Variants in LYRM4 observed in about 807,000 individuals in gnomAD.
LYRM4 encodes LYR motif containing 4.
Under a neutral mutation model 11.7 loss-of-function variants are expected in LYRM4, and 9 were observed. The observed-to-expected ratio is 0.77, with a 90% CI of 0.46 to 1.34. LYRM4 has a LOEUF of 1.34. Ranked by LOEUF, LYRM4 falls within the 40% of genes most tolerant of loss-of-function variation. The pLI is 0.00. For missense variants in LYRM4, 133 were observed against 112.5 expected (o/e 1.18, Z -0.82); for synonymous variants, 42 against 40.4 (o/e 1.04, Z -0.15).
intron 1 of LYRM4, among the ~76,000 whole-genome samples, chr6:5,245,221 G>A (rs1764142522): frequency 7.4e-6 from 1 of 134,316 alleles, no homozygotes; most frequent in African/African-American, 2.8e-5. Context: ...TGGGAAAACA[G>A]CACCTGATCT....
rs1239784638 is a variant in LYRM4 at position 5,245,111 on chromosome 6, AAAATATATATATATATATATATATAT to A, written c.86+15511_86+15536del. 6.4e-3 allele frequency among the ~76,000 whole-genome samples: 207 copies of A among 32,302 alleles called. 4 individuals carry two copies. Among genetic ancestry groups the A allele is most frequent in the African/African-American group, 0.03 (197 of 6,670 alleles). 21.2% of individuals were successfully genotyped at this position (32,302 alleles called of 152,430 possible). A position where few individuals can be genotyped will look rare whatever the true frequency, so the allele number is the denominator to read the frequency against. On this transcript the variant is annotated intron_variant, in intron 1 of 2. Transcript: ENST00000330636. The stretch of plus-strand genomic sequence containing the variant: ...CCTTAAAAAAAAAAAAAAAAAAAAA[AAAATATATATATATATATATATATAT>A]ATATATATATATATATATATATATA...
At chr6:5,050,293 C>T in the LYRM4 span, among the ~76,000 whole-genome samples, 1 of 152,188 alleles carries the variant, frequency 6.6e-6, no homozygotes, top group East Asian at 1.9e-4. Flanking sequence ...GCATGTGTGC[C>T]TGAGGCAGCT....
intron 2 of LYRM4, among the ~76,000 whole-genome samples, chr6:5,149,862 G>A (rs73717690): frequency 0.099 from 15,009 of 152,132 alleles, 917 homozygotes; most frequent in South Asian, 0.23. Context: ...AGAACATGTC[G>A]TCTTACTAGT....
At chr6:5,100,531 G>C, downstream of LYRM4, among the ~76,000 whole-genome samples, 1 of 151,678 alleles carries the variant, frequency 6.6e-6, no homozygotes, top group Middle Eastern at 3.4e-3. Flanking sequence ...AAAGTACTTC[G>C]CCTACTTGGG....
At chr6:5,211,899 T>TC (rs1370290453) in intron 2 of LYRM4, among the ~76,000 whole-genome samples, 1 of 152,238 alleles carries the variant, frequency 6.6e-6, no homozygotes, top group Non-Finnish European at 1.5e-5. Context: ...GAAACCCAGT[T>TC]CTGGCAACTT....
In LYRM4 at chr6:5,129,491, C is replaced by T. The variant is rs148739836; in HGVS notation, c.208-20000G>A. Among the ~76,000 whole-genome samples the T allele has an allele frequency of 3.6e-3, 553 of 152,240 alleles. 2 individuals are homozygous for T. The highest frequency in any genetic ancestry group is 0.02 in the Middle Eastern group (6 of 294). On this transcript the variant is annotated intron_variant, in intron 2 of 2. Coordinates refer to ENST00000330636, the MANE Select transcript of LYRM4 (RefSeq NM_020408.6). ...GTGCCTGCTTCATCCTCGAAGCAGC[C>T]GCTCTGATCTCTGCTTCTGCCACTT...
the LYRM4 span, among the ~76,000 whole-genome samples, chr6:5,084,420 G>A: frequency 6.6e-6 from 1 of 152,110 alleles, no homozygotes; most frequent in Non-Finnish European, 1.5e-5. Flanking sequence ...TGCTTGGGGC[G>A]CTGGCGTCCG....
intron 2 of LYRM4, among the ~76,000 whole-genome samples, chr6:5,200,440 G>T (rs912203051): frequency 2.6e-5 from 4 of 152,090 alleles, no homozygotes; most frequent in African/African-American, 9.7e-5. Context: ...CTACTCCACC[G>T]GGTGGAAGCA....
intron 2 of LYRM4, among the ~76,000 whole-genome samples, chr6:5,137,937 G>A (rs1162198428): frequency 2.6e-5 from 4 of 152,166 alleles, no homozygotes; most frequent in South Asian, 2.1e-4. Context: ...CAATAGCCAA[G>A]TCTTCTCACC....
chr6:5,137,378 C>A (rs1757157944), intron 2 of LYRM4, among the ~76,000 whole-genome samples: 1 of 152,160 alleles, frequency 6.6e-6, no homozygotes, highest in Admixed American at 6.5e-5. Flanking sequence ...CTGGATCACA[C>A]TACCTCTTCT....
chr6:5,156,983 C>A (rs1249604505), intron 2 of LYRM4, among the ~76,000 whole-genome samples: 1 of 152,158 alleles, frequency 6.6e-6, no homozygotes, highest in African/African-American at 2.4e-5. Context: ...ACCCCTCTGG[C>A]CTTTTGAGTT....
chr6:5,144,425 C>G (rs1322307664), intron 2 of LYRM4, among the ~76,000 whole-genome samples: 2 of 151,942 alleles, frequency 1.3e-5, no homozygotes, highest in East Asian at 3.9e-4. Flanking sequence ...ATCACAAGCT[C>G]AGGAGATCGA....
chr6:5,054,088 G>T, the LYRM4 span: 2 of 982,964 alleles, frequency 2.0e-6, no homozygotes, highest in South Asian at 9.4e-5. Flanking sequence ...CTTCATCCAG[G>T]AACTAACGCC....
intron 2 of LYRM4, chr6:5,136,685 C>G (rs1757117841): frequency 1.0e-6 from 1 of 985,294 alleles, no homozygotes; most frequent in Non-Finnish European, 1.2e-6. Context: ...ATGAGTCCCA[C>G]AGGTCCTAGC....
rs533111218 is a variant in LYRM4, at chr6:5,144,619, C to T, written c.208-35128G>A. Among the ~76,000 whole-genome samples, 386 of 86,158 alleles carry T rather than the reference C, an allele frequency of 4.5e-3. 3 individuals are homozygous for T. Among genetic ancestry groups the T allele is most frequent in the Non-Finnish European group, 7.1e-3 (305 of 43,146 alleles). 56.5% of individuals were successfully genotyped at this position (86,158 alleles called of 152,430 possible). ...CAGCCTGGGCGACACAGCGAGACTC[C>T]GTCTCAAAAAAAAAAAAAAAAAAAA... On this transcript the variant is annotated intron_variant, in intron 2 of 2. Coordinates refer to ENST00000330636, the MANE Select transcript of LYRM4 (RefSeq NM_020408.6).
chr6:5,071,319 C>T, the LYRM4 span, among the ~76,000 whole-genome samples: 3 of 152,072 alleles, frequency 2.0e-5, no homozygotes, highest in African/African-American at 7.2e-5. Flanking sequence ...GCATAAAAGT[C>T]ATATACAATG....
At chr6:5,231,736 ACC>A (rs1763255082) in intron 1 of LYRM4, among the ~76,000 whole-genome samples, 1 of 152,182 alleles carries the variant, frequency 6.6e-6, no homozygotes. Context: ...GGAATACAAT[ACC>A]ACGCACTGTA....
intron 2 of LYRM4, among the ~76,000 whole-genome samples, chr6:5,125,492 ACT>A (rs1447919714): frequency 6.6e-6 from 1 of 152,096 alleles, no homozygotes; most frequent in Non-Finnish European, 1.5e-5. Context: ...TGCCTCAGCC[ACT>A]CTGCTGGACG....
intron 2 of LYRM4, among the ~76,000 whole-genome samples, chr6:5,129,993 T>G (rs773035952): frequency 8.9e-4 from 135 of 152,256 alleles, no homozygotes; most frequent in Non-Finnish European, 9.8e-4. Flanking sequence ...AATATGCTTT[T>G]CTTACAGATT....
Sources: gnomAD v4.1 joint callset for allele counts (sites outside exome capture counted in the v4.1 genomes callset) on GRCh38, gnomAD v4.1.1 for gene constraint, MANE v1.5 for transcripts, NCBI Gene and HGNC (gene_info 2026-07-23, HGNC 2026-07-21) for gene names.